The following LRFN2 variants were observed in gnomAD, a reference collection of about 807,000 sequenced individuals.
The protein encoded by LRFN2 is leucine-rich repeat and fibronectin type-III domain-containing protein 2.
A neutral mutation model predicts 37.3 loss-of-function variants in LRFN2; 18 were observed. The ratio of observed to expected loss-of-function variants is 0.48; its 90% CI spans 0.33 to 0.72. LRFN2 has a LOEUF of 0.72. Ranked by LOEUF, LRFN2 falls within the 30% of genes least tolerant of loss-of-function variation. The probability of loss-of-function intolerance (pLI) is 0.02; values close to 1 mark genes in which losing one functional copy is unlikely to be tolerated. For synonymous variants in LRFN2, 556 were observed against 466.6 expected, an observed-to-expected ratio of 1.19 and a Z score of -2.47; for missense variants, 1,006 against 1,060.7, an observed-to-expected ratio of 0.95 and a Z score of 0.72.
chr6:40,496,179 G>A (rs763326033), intron 1 of LRFN2, among the ~76,000 whole-genome samples: 5 of 151,932 alleles, frequency 3.3e-5, no homozygotes, highest in Non-Finnish European at 5.9e-5. Context: ...AATGTATCCC[G>A]AATCCAACCC....
rs573053455 is a variant in LRFN2, at chr6:40,584,512, T to G, written c.-19+2429A>C. On this transcript the variant is annotated intron_variant, in intron 1 of 2. Transcript: ENST00000338305. Reference sequence around the variant, plus strand: ...AATACTCAAATTGTTGTTGCTCTTGTTCAGAGTCCAATTCCACTTGGCCAT... The same window carrying G: ...AATACTCAAATTGTTGTTGCTCTTGGTCAGAGTCCAATTCCACTTGGCCAT... 9.2e-5 allele frequency among the ~76,000 whole-genome samples: 14 copies of G among 152,316 alleles called. No homozygotes were observed. The South Asian group carries it at 2.7e-3, about 29-fold the overall frequency.
chr6:40,391,776 G>T lies in LRFN2; in HGVS notation c.*167C>A. ...GCACACCCCGGCCGGGTGGTGGGGA[G>T]GTGATGTGGGTGTTGCGGGGTAGGG... On this transcript the variant is annotated 3_prime_UTR_variant, in exon 3 of 3. Coordinates refer to ENST00000338305, the MANE Select transcript of LRFN2 (RefSeq NM_020737.3). 1.7e-6 allele frequency: 1 copy of T among 584,274 alleles called. No individual in the cohort carries two copies. The highest frequency in any genetic ancestry group is 2.7e-6 in the Non-Finnish European group (1 of 367,786). The allele number at this position is 584,274 out of a possible 1,614,324, so 36.2% of individuals were successfully genotyped here.
At chr6:40,435,271 C>T (rs182047042) in intron 1 of LRFN2, among the ~76,000 whole-genome samples, 2 of 150,266 alleles carry the variant, frequency 1.3e-5, no homozygotes, top group South Asian at 4.2e-4. Context: ...AGTGATTCTC[C>T]CACCTTGGCC....
intron 1 of LRFN2, 53 bp downstream of exon 1, chr6:40,586,888 G>A (rs1217309987): frequency 1.3e-5 from 2 of 152,256 alleles, no homozygotes; most frequent in Non-Finnish European, 2.9e-5. Flanking sequence ...GCCCCGCGCC[G>A]AGCTCCCGCG....
At chr6:40,411,582 C>T (rs1028832030) in intron 2 of LRFN2, among the ~76,000 whole-genome samples, 6 of 151,990 alleles carry the variant, frequency 3.9e-5, no homozygotes, top group Non-Finnish European at 8.8e-5. Context: ...CTGCCCTGCA[C>T]TCTGTGCTTC....
At chr6:40,463,905 T>C (rs1764401864) in intron 1 of LRFN2, among the ~76,000 whole-genome samples, 1 of 152,194 alleles carries the variant, frequency 6.6e-6, no homozygotes, top group Admixed American at 6.5e-5. Context: ...CTTGAACTCC[T>C]GGGCTCATGC....
chr6:40,524,953 T>TA (rs1474417512), intron 1 of LRFN2, among the ~76,000 whole-genome samples: 1 of 152,132 alleles, frequency 6.6e-6, no homozygotes, highest in Non-Finnish European at 1.5e-5. Flanking sequence ...GAGCTTGGAG[T>TA]AAGGAGAACT....
intron 1 of LRFN2, among the ~76,000 whole-genome samples, chr6:40,525,647 A>C (rs1462481130): frequency 6.6e-6 from 1 of 152,088 alleles, no homozygotes; most frequent in Non-Finnish European, 1.5e-5. Context: ...CTCCGAGCCC[A>C]CCCTTTGCCC....
At chr6:40,435,210 G>A (rs745800540) in intron 1 of LRFN2, among the ~76,000 whole-genome samples, 3 of 149,998 alleles carry the variant, frequency 2.0e-5, no homozygotes, top group Non-Finnish European at 4.4e-5. Flanking sequence ...ACCCAGGCTG[G>A]AGTGCAGTGG....
chr6:40,402,741 T>C lies in LRFN2; in HGVS notation c.1401-9829A>G, dbSNP rs1375484934. Among the ~76,000 whole-genome samples, 4 of 152,320 alleles carry C rather than the reference T, an allele frequency of 2.6e-5. No homozygotes were observed. In the East Asian group the frequency reaches 5.8e-4, roughly 22 times the overall value. On this transcript the variant is annotated intron_variant, in intron 2 of 2. Coordinates refer to ENST00000338305, the MANE Select transcript of LRFN2 (RefSeq NM_020737.3). Reference sequence around the variant, plus strand: ...TCATGTTCATGATAACCCCGGGAAGTACATCTAATAATTGTGCTACCTGTT... The same window carrying C: ...TCATGTTCATGATAACCCCGGGAAGCACATCTAATAATTGTGCTACCTGTT...
At chr6:40,562,175 G>A (rs116600100) in intron 1 of LRFN2, among the ~76,000 whole-genome samples, 1,574 of 152,290 alleles carry the variant, frequency 0.01, 36 homozygotes, top group African/African-American at 0.036. Context: ...TCATGAATGA[G>A]ATGGAGTTGT....
intron 1 of LRFN2, among the ~76,000 whole-genome samples, chr6:40,555,890 T>C (rs1456199566): frequency 1.3e-5 from 2 of 152,200 alleles, no homozygotes; most frequent in South Asian, 4.1e-4. Flanking sequence ...TAATTTCTTA[T>C]CTGGCAGTGA....
intron 1 of LRFN2, among the ~76,000 whole-genome samples, chr6:40,444,145 G>A (rs1453948480): frequency 6.6e-6 from 1 of 152,188 alleles, no homozygotes; most frequent in Admixed American, 6.5e-5. Context: ...AAGGTGGAGA[G>A]TTTATTTGGA....
At chr6:40,462,373 C>T (rs1221078139) in intron 1 of LRFN2, among the ~76,000 whole-genome samples, 1 of 152,140 alleles carries the variant, frequency 6.6e-6, no homozygotes, top group Non-Finnish European at 1.5e-5. Context: ...ACCCTCTTGG[C>T]TTTGGCTGAA....
intron 1 of LRFN2, among the ~76,000 whole-genome samples, chr6:40,582,403 T>C (rs184917183): frequency 3.3e-5 from 5 of 152,014 alleles, no homozygotes; most frequent in African/African-American, 1.2e-4. Flanking sequence ...TATTGGAAGG[T>C]TGCCAGGGAG....
At chr6:40,467,001 C>A (rs1367223791) in intron 1 of LRFN2, among the ~76,000 whole-genome samples, 3 of 152,060 alleles carry the variant, frequency 2.0e-5, no homozygotes, top group Non-Finnish European at 2.9e-5. Flanking sequence ...ACCTACAAGT[C>A]AAGTAGAGAG....
chr6:40,451,832 G>A lies in LRFN2; in HGVS notation c.-18-18701C>T, dbSNP rs148864631. 3.0e-3 allele frequency among the ~76,000 whole-genome samples: 452 copies of A among 152,314 alleles called. 5 individuals are homozygous for A. The Middle Eastern group carries it at 0.051, about 17-fold the overall frequency. ...ACCCAAAGTACAAAACAAATGCCTT[G>A]TTTGGATGTTCCCTTGGGCCTGGAC... On this transcript the variant is annotated intron_variant, in intron 1 of 2. Transcript: ENST00000338305.
At chr6:40,506,342 T>G in intron 1 of LRFN2, among the ~76,000 whole-genome samples, 1 of 152,172 alleles carries the variant, frequency 6.6e-6, no homozygotes, top group East Asian at 1.9e-4. Context: ...GAACTTGAAC[T>G]GAAAGCAGAG....
rs546965185 is a variant in LRFN2, at chr6:40,587,360, T to C, written c.-438A>G. On this transcript the variant is annotated 5_prime_UTR_variant, in exon 1 of 3. Transcript: ENST00000338305. This position sits in a 1 kb window ranked among gnomAD's most constrained non-coding sequence, Gnocchi z 4.2. ...GCCGGGTTGTGTATGTGTGAGTGTA[T>C]GTGTGTCTCAGCGAGAGGGAGCCAG... 4 of 152,170 alleles carry C rather than the reference T, an allele frequency of 2.6e-5. No homozygotes were observed. In the East Asian group the frequency reaches 7.8e-4, roughly 30 times the overall value. 9.4% of individuals were successfully genotyped at this position (152,170 alleles called of 1,614,324 possible).
Sources: gnomAD v4.1 joint callset for allele counts (sites outside exome capture counted in the v4.1 genomes callset) on GRCh38, gnomAD v4.1.1 for gene constraint, Gnocchi (gnomAD v3.1) non-coding constraint, MANE v1.5 for transcripts, NCBI Gene and HGNC (gene_info 2026-07-23, HGNC 2026-07-21) for gene names.